The following MAF variants were observed in gnomAD, a reference collection of about 807,000 sequenced individuals.
The protein encoded by MAF is transcription factor Maf.
MAF carries 10 observed loss-of-function variants against 22.0 expected under a neutral mutation model. That is an observed-to-expected ratio of 0.45 (90% CI 0.28 to 0.77). MAF has a LOEUF of 0.77. Among genes scored for constraint, MAF ranks in the 30% least tolerant of loss-of-function variants. MAF has a pLI of 0.12. For synonymous variants in MAF, 337 were observed against 255.8 expected, an observed-to-expected ratio of 1.32 and a Z score of -3.03; for missense variants, 544 against 548.4, an observed-to-expected ratio of 0.99 and a Z score of 0.08.
the MAF span, among the ~76,000 whole-genome samples, chr16:79,469,817 G>A: frequency 2.4e-4 from 36 of 152,048 alleles, no homozygotes; most frequent in Admixed American, 1.4e-3. Flanking sequence ...GGCTGGTCTC[G>A]AACTCCTGAC....
At chr16:79,554,875 A>G in the MAF span, among the ~76,000 whole-genome samples, 2 of 152,022 alleles carry the variant, frequency 1.3e-5, no homozygotes, top group African/African-American at 2.4e-5. Flanking sequence ...TCCTGTTTCT[A>G]CCATCAGAGC....
intron 1 of MAF, among the ~76,000 whole-genome samples, chr16:79,587,350 G>A (rs1322410886): frequency 6.6e-6 from 1 of 151,994 alleles, no homozygotes; most frequent in Non-Finnish European, 1.5e-5. Flanking sequence ...AAACCTGGAA[G>A]TGTATCAGTA....
At chr16:79,211,817 G>C in the MAF span, 1 of 1,613,636 alleles carries the variant, frequency 6.2e-7, no homozygotes, top group Admixed American at 1.7e-5. Flanking sequence ...GAGCGGATGG[G>C]CACACACACC....
chr16:79,321,633 G>GTTTTTC, the MAF span, among the ~76,000 whole-genome samples: 26 of 143,632 alleles, frequency 1.8e-4, no homozygotes, highest in South Asian at 2.2e-4. Context: ...GGGTGTATGT[G>GTTTTTC]TTTTTCTTTT....
At chr16:79,449,185 G>C in the MAF span, among the ~76,000 whole-genome samples, 1 of 152,158 alleles carries the variant, frequency 6.6e-6, no homozygotes, top group African/African-American at 2.4e-5. Context: ...GATCTGACAG[G>C]AGGCGGTGGT....
chr16:79,497,273 C>G, the MAF span, among the ~76,000 whole-genome samples: 1 of 152,180 alleles, frequency 6.6e-6, no homozygotes, highest in South Asian at 2.1e-4. Context: ...TATTGTAAGG[C>G]TGTTTTCACT....
the MAF span, among the ~76,000 whole-genome samples, chr16:79,520,200 T>A: frequency 0.075 from 11,384 of 152,250 alleles, 588 homozygotes; most frequent in Non-Finnish European, 0.092. Flanking sequence ...TGCCAGCTCT[T>A]CTTAGCAGCT....
At chr16:79,427,593 C>T in the MAF span, among the ~76,000 whole-genome samples, 7 of 152,240 alleles carry the variant, frequency 4.6e-5, no homozygotes, top group Non-Finnish European at 8.8e-5. Flanking sequence ...GGGTGCACAG[C>T]CAGGAATGCT....
chr16:79,254,495 A>G, the MAF span, among the ~76,000 whole-genome samples: 1 of 152,164 alleles, frequency 6.6e-6, no homozygotes, highest in African/African-American at 2.4e-5. Context: ...TGAATACATG[A>G]TTTTTATTAT....
chr16:79,215,075 G>A, the MAF span, among the ~76,000 whole-genome samples: 2 of 152,022 alleles, frequency 1.3e-5, no homozygotes, highest in Non-Finnish European at 2.9e-5. Flanking sequence ...TTTTACTGAT[G>A]AAAAAGCTGA....
the MAF span, among the ~76,000 whole-genome samples, chr16:79,399,353 CAT>C: frequency 6.6e-6 from 1 of 152,132 alleles, no homozygotes; most frequent in Non-Finnish European, 1.5e-5. Context: ...ATCATCATCA[CAT>C]GTCTTGAAAG....
chr16:79,512,779 G>T, the MAF span, among the ~76,000 whole-genome samples: 1 of 152,208 alleles, frequency 6.6e-6, no homozygotes, highest in Non-Finnish European at 1.5e-5. Context: ...TGCTGGTATT[G>T]ATTTCACTCT....
the MAF span, among the ~76,000 whole-genome samples, chr16:79,437,369 C>T: frequency 1.3e-5 from 2 of 152,230 alleles, no homozygotes; most frequent in East Asian, 3.9e-4. Flanking sequence ...TGTAAGAGAA[C>T]CCCAGGCTGC....
the MAF span, among the ~76,000 whole-genome samples, chr16:79,356,392 C>T: frequency 6.6e-6 from 1 of 152,184 alleles, no homozygotes; most frequent in Non-Finnish European, 1.5e-5. Context: ...TTGTTGAAAC[C>T]AATGCAGCGC....
chr16:79,362,538 T>A, the MAF span, among the ~76,000 whole-genome samples: 1 of 152,192 alleles, frequency 6.6e-6, no homozygotes, highest in African/African-American at 2.4e-5. Flanking sequence ...TTAGAAATAG[T>A]CCTCTCATGA....
chr16:79,301,939 C>T, the MAF span, among the ~76,000 whole-genome samples: 1 of 152,230 alleles, frequency 6.6e-6, no homozygotes, highest in Admixed American at 6.5e-5. Context: ...CTTTTGAGCA[C>T]AACGTTGAGA....
the MAF span, among the ~76,000 whole-genome samples, chr16:79,241,526 A>C: frequency 3.9e-5 from 6 of 152,106 alleles, no homozygotes; most frequent in Admixed American, 3.3e-4. Context: ...AAAGCCTCCA[A>C]GAAATATGGG....
chr16:79,378,702 T>C, the MAF span, among the ~76,000 whole-genome samples: 1 of 152,234 alleles, frequency 6.6e-6, no homozygotes, highest in Non-Finnish European at 1.5e-5. Flanking sequence ...GAAATGTATC[T>C]ATCTTGTAAT....
chr16:79,223,786 T>C, the MAF span, among the ~76,000 whole-genome samples: 1 of 152,104 alleles, frequency 6.6e-6, no homozygotes, highest in South Asian at 2.1e-4. Flanking sequence ...CCTGGACATA[T>C]ACACCCTCCC....
Sources: allele counts gnomAD v4.1 joint callset (sites outside exome capture counted in the v4.1 genomes callset), GRCh38; gene constraint gnomAD v4.1.1; transcripts MANE v1.5; gene names NCBI Gene and HGNC (gene_info 2026-07-23, HGNC 2026-07-21).